GRAMD1B: variants seen among roughly 807,000 people sequenced by gnomAD.
GRAMD1B encodes the protein GRAM domain containing 1B, also known as protein Aster-B.
In GRAMD1B, 37 loss-of-function variants were observed where a neutral mutation model predicts 99.7. The ratio of observed to expected loss-of-function variants is 0.37; its 90% CI spans 0.29 to 0.49. The LOEUF (loss-of-function observed/expected upper bound fraction) is 0.49, where lower values mean the gene tolerates loss of function less well. GRAMD1B is among the 20% of genes least tolerant of loss of function. The pLI is 0.98. For missense variants in GRAMD1B, 888 were observed against 1,009.2 expected, an observed-to-expected ratio of 0.88 and a Z score of 1.63; for synonymous variants, 427 against 387.6, an observed-to-expected ratio of 1.10 and a Z score of -1.19.
intron 2 of GRAMD1B, chr11:123,526,067 T>G (rs939711803): frequency 8.2e-7 from 1 of 1,220,864 alleles, no homozygotes; most frequent in Admixed American, 1.8e-5. Flanking sequence ...GACTTCGTCA[T>G]CTTTTCCAAT....
chr11:123,590,592 C>T (rs1274516247), intron 4 of GRAMD1B, among the ~76,000 whole-genome samples: 1 of 152,200 alleles, frequency 6.6e-6, no homozygotes, highest in Non-Finnish European at 1.5e-5. Context: ...CCTGCCCTGC[C>T]TCCCTTCTTC....
At chr11:123,436,973 A>T (rs1240688208) in intron 1 of GRAMD1B, among the ~76,000 whole-genome samples, 1 of 152,080 alleles carries the variant, frequency 6.6e-6, no homozygotes. Context: ...CTCATTGTTC[A>T]ATTCCCACCT....
At chr11:123,400,988 G>T (rs1442058911) in intron 1 of GRAMD1B, among the ~76,000 whole-genome samples, 1 of 152,074 alleles carries the variant, frequency 6.6e-6, no homozygotes, top group Non-Finnish European at 1.5e-5. Flanking sequence ...GAACTCAGAA[G>T]GTCTGAAAAC....
chr11:123,548,303 T>TAC (rs1356367566), intron 2 of GRAMD1B, among the ~76,000 whole-genome samples: 26 of 70,670 alleles, frequency 3.7e-4, no homozygotes, highest in Non-Finnish European at 4.8e-4. Flanking sequence ...TATATATATA[T>TAC]ATATATATAT....
At chr11:123,575,117 C>T (rs1948579581) in intron 2 of GRAMD1B, among the ~76,000 whole-genome samples, 1 of 152,028 alleles carries the variant, frequency 6.6e-6, no homozygotes, top group Admixed American at 6.6e-5. Flanking sequence ...GAGGAGTTCT[C>T]ATGCTTTGAT....
At chr11:123,548,349 C>CATATATATATATATATATATATAT (rs142360908) in intron 2 of GRAMD1B, among the ~76,000 whole-genome samples, 3 of 107,750 alleles carry the variant, frequency 2.8e-5, no homozygotes, top group African/African-American at 1.4e-4. Flanking sequence ...CACACACACA[C>CATATATATATATATATATATATAT]ATATATATAT....
In GRAMD1B at chr11:123,548,586, C is replaced by T. The variant is rs371260216; in HGVS notation, c.453-28781C>T. ...GGCTGAATTAAAGAGGAGCTGGATT[C>T]GATGCTTGAAAATTAATTGAATGCT... On this transcript the variant is annotated intron_variant, in intron 2 of 19. Coordinates refer to ENST00000635736, the MANE Select transcript of GRAMD1B (RefSeq NM_001387025.1). Among the ~76,000 whole-genome samples the T allele has an allele frequency of 4.5e-4, 68 of 151,634 alleles. No homozygotes were observed. In the South Asian group the frequency reaches 0.013, roughly 29 times the overall value.
chr11:123,416,050 AT>A (rs1948222784), intron 1 of GRAMD1B, among the ~76,000 whole-genome samples: 2 of 152,174 alleles, frequency 1.3e-5, no homozygotes, highest in African/African-American at 2.4e-5. Flanking sequence ...TTGAAAGAGG[AT>A]TTTCCCCTAG....
At chr11:123,579,397 C>G (rs555345620) in intron 3 of GRAMD1B, among the ~76,000 whole-genome samples, 1 of 152,314 alleles carries the variant, frequency 6.6e-6, no homozygotes, top group South Asian at 2.1e-4. Flanking sequence ...ATCCTGTAGT[C>G]TGTGATCTTT....
chr11:123,443,639 A>G (rs948485162), intron 1 of GRAMD1B, among the ~76,000 whole-genome samples: 3 of 151,668 alleles, frequency 2.0e-5, no homozygotes, highest in African/African-American at 7.3e-5. Flanking sequence ...GATCTCACTC[A>G]CTGCAACCTC....
At chr11:123,426,043 C>CT (rs1270605597), upstream of GRAMD1B, among the ~76,000 whole-genome samples, 1 of 152,172 alleles carries the variant, frequency 6.6e-6, no homozygotes, top group Non-Finnish European at 1.5e-5. Context: ...GATATTAAAG[C>CT]TATTTGTGGG....
At chr11:123,604,168 A>T (rs773174429) in intron 9 of GRAMD1B, among the ~76,000 whole-genome samples, 1 of 152,224 alleles carries the variant, frequency 6.6e-6, no homozygotes, top group Non-Finnish European at 1.5e-5. Context: ...CCAAGTGGGC[A>T]TTTAGATATG....
intron 2 of GRAMD1B, among the ~76,000 whole-genome samples, chr11:123,512,951 G>A (rs1941188980): frequency 6.6e-6 from 1 of 151,982 alleles, no homozygotes; most frequent in Non-Finnish European, 1.5e-5. Context: ...ACTTTTAACT[G>A]ATCAAGATGC....
chr11:123,501,792 A>G (rs1220608318), intron 2 of GRAMD1B, among the ~76,000 whole-genome samples: 3 of 152,196 alleles, frequency 2.0e-5, no homozygotes, highest in Non-Finnish European at 4.4e-5. Context: ...ATTTTTGAGC[A>G]TGTTTCTTGT....
intron 11 of GRAMD1B, among the ~76,000 whole-genome samples, 183 bp downstream of exon 11, chr11:123,606,981 C>T (rs1952833046): frequency 6.6e-6 from 1 of 152,104 alleles, no homozygotes; most frequent in Non-Finnish European, 1.5e-5. Context: ...GCTGTAGGAG[C>T]CTCCCATAGA....
chr11:123,397,408 AAAAACAAAACAAAACAAAAC>A (rs148210099), intron 1 of GRAMD1B, among the ~76,000 whole-genome samples: 4 of 150,716 alleles, frequency 2.7e-5, no homozygotes, highest in Admixed American at 1.3e-4. Context: ...CTCTGTCTCA[AAAAACAAAACAAAACAAAAC>A]AAAACAAAAC....
chr11:123,602,142 G>C (rs570355036), intron 8 of GRAMD1B, among the ~76,000 whole-genome samples: 180 of 152,250 alleles, frequency 1.2e-3, no homozygotes, highest in Non-Finnish European at 1.9e-3. Flanking sequence ...CCAGCATAGA[G>C]AGCTGCGGCC....
At chr11:123,366,380 T>G (rs2135705624) in intron 1 of GRAMD1B, among the ~76,000 whole-genome samples, 1 of 152,370 alleles carries the variant, frequency 6.6e-6, no homozygotes, top group East Asian at 1.9e-4. Flanking sequence ...AAAACATAAT[T>G]TTATCTATTC....
At chr11:123,589,790 T>C (rs1950465674) in intron 4 of GRAMD1B, among the ~76,000 whole-genome samples, 1 of 152,024 alleles carries the variant, frequency 6.6e-6, no homozygotes, top group African/African-American at 2.4e-5. Flanking sequence ...ATGTGTTCAC[T>C]GGGCCATTTT....
Sources: allele counts gnomAD v4.1 joint callset (sites outside exome capture counted in the v4.1 genomes callset), GRCh38; gene constraint gnomAD v4.1.1; transcripts MANE v1.5; gene names NCBI Gene and HGNC (gene_info 2026-07-23, HGNC 2026-07-21).